Variants in CTBP2 observed in about 807,000 individuals in gnomAD.
The protein encoded by CTBP2 is C-terminal binding protein 2, also known as C-terminal-binding protein 2.
Under a neutral mutation model 80.3 loss-of-function variants are expected in CTBP2, and 30 were observed. That is an observed-to-expected ratio of 0.37 (90% CI 0.28 to 0.51). The LOEUF (loss-of-function observed/expected upper bound fraction) is 0.51, where lower values mean the gene tolerates loss of function less well. CTBP2 is among the 20% of genes least tolerant of loss of function. The probability of loss-of-function intolerance (pLI) is 0.93; values close to 1 mark genes in which losing one functional copy is unlikely to be tolerated. For synonymous variants in CTBP2, 594 were observed against 587.4 expected, an observed-to-expected ratio of 1.01 and a Z score of -0.16; for missense variants, 1,212 against 1,375.3, an observed-to-expected ratio of 0.88 and a Z score of 1.88.
At chr10:125,119,602 C>G (rs1015219082) in intron 1 of CTBP2, among the ~76,000 whole-genome samples, 10 of 152,204 alleles carry the variant, frequency 6.6e-5, no homozygotes, top group Non-Finnish European at 1.3e-4. Context: ...GTATTCAAAT[C>G]TCACATATTT....
intron 2 of CTBP2, among the ~76,000 whole-genome samples, chr10:125,094,527 C>T (rs570217668): frequency 6.6e-6 from 1 of 152,344 alleles, no homozygotes; most frequent in South Asian, 2.1e-4. Flanking sequence ...GTGCCAAGCA[C>T]GGTATGGCTC....
chr10:125,161,643 G>C (rs1289305124), upstream of CTBP2, among the ~76,000 whole-genome samples: 1 of 152,152 alleles, frequency 6.6e-6, no homozygotes, highest in Non-Finnish European at 1.5e-5. Flanking sequence ...TGGGTGCGCA[G>C]GGAAGGGCCC....
chr10:125,054,452 G>A (rs186456000), intron 2 of CTBP2, among the ~76,000 whole-genome samples: 1,564 of 152,254 alleles, frequency 0.01, 11 homozygotes, highest in Non-Finnish European at 0.015. Context: ...TCCATGAGAA[G>A]CTGAACCCTC....
chr10:125,013,390 G>A (rs1956135821), intron 1 of CTBP2, among the ~76,000 whole-genome samples: 2 of 152,210 alleles, frequency 1.3e-5, no homozygotes, highest in African/African-American at 2.4e-5. Context: ...GGAAACGCCC[G>A]AAGTTGTAAA....
chr10:124,998,363 C>T lies in CTBP2; in HGVS notation c.1979-193G>A. 6.4e-6 allele frequency: 4 copies of T among 621,888 alleles called. No homozygotes were observed. In the South Asian group the frequency reaches 7.8e-5, roughly 12 times the overall value. 38.5% of individuals were successfully genotyped at this position (621,888 alleles called of 1,614,324 possible). On this transcript the variant is annotated intron_variant, in intron 3 of 8. Transcript: ENST00000309035. The stretch of plus-strand genomic sequence containing the variant: ...TCTGATGCATGGGAAGCTCTAGCCC[C>T]AACATCTACCCCTCCCTCCCAAGGA...
intron 2 of CTBP2, among the ~76,000 whole-genome samples, chr10:125,061,134 G>A (rs1441979027): frequency 6.6e-6 from 1 of 152,248 alleles, no homozygotes; most frequent in Non-Finnish European, 1.5e-5. Context: ...ATCCCAGCAA[G>A]CTGAGCATAC....
intron 1 of CTBP2, among the ~76,000 whole-genome samples, chr10:125,153,850 A>C (rs1715860): frequency 0.73 from 110,690 of 151,798 alleles, 41,438 homozygotes; most frequent in African/African-American, 0.87. Context: ...TTGTCCTGGG[A>C]CGGGACAGAT....
At chr10:124,991,934 A>G (rs1452642259) in intron 8 of CTBP2, among the ~76,000 whole-genome samples, 1 of 150,882 alleles carries the variant, frequency 6.6e-6, no homozygotes, top group East Asian at 1.9e-4. Context: ...GTGCATGGAA[A>G]ATACCACAAA....
At chr10:125,065,270 T>C (rs1305273059) in intron 2 of CTBP2, among the ~76,000 whole-genome samples, 1 of 152,214 alleles carries the variant, frequency 6.6e-6, no homozygotes, top group East Asian at 1.9e-4. Flanking sequence ...GCACTCTGCT[T>C]GAACTCAAAT....
intron 3 of CTBP2, chr10:124,998,625 C>T (rs1953993480): frequency 4.9e-6 from 1 of 202,050 alleles, no homozygotes; most frequent in Non-Finnish European, 1.0e-5. Flanking sequence ...TTAAGCTATG[C>T]TAACAGTTTG....
chr10:125,005,048 G>A (rs886739304), intron 1 of CTBP2, among the ~76,000 whole-genome samples: 2 of 152,288 alleles, frequency 1.3e-5, no homozygotes, highest in African/African-American at 4.8e-5. Flanking sequence ...CCACACGCTC[G>A]GAGACGAGGA....
At position 124,998,089 on chromosome 10, in the gene CTBP2, C is replaced by T. The variant is rs948654164; in HGVS notation, c.2060G>A (p.Arg687Gln). ...TGCCTGGTACAGCCACGTGTTCCTCCGGTACAGGTTGAGGATGTGGCAGAT... is the reference window on the plus strand; with the variant it reads ...TGCCTGGTACAGCCACGTGTTCCTCTGGTACAGGTTGAGGATGTGGCAGAT... The change falls in exon 4 of 9, where the codon CGG (arginine) becomes CAG (glutamine). Residue 687 changes from arginine (R) to glutamine (Q), a missense_variant. Arg to Gln is a conservative substitution (Grantham distance 43, BLOSUM62 1). This residue lies in a region of CTBP2 where 335 missense variants were observed against 504.7 expected (regional missense o/e 0.66). Transcript: ENST00000309035. 1 of 1,612,858 alleles carries T rather than the reference C, an allele frequency of 6.2e-7. No individual in the cohort carries two copies. The highest frequency in any genetic ancestry group is 8.5e-7 in the Non-Finnish European group (1 of 1,179,764).
At chr10:125,051,013 T>A (rs1962619465) in intron 2 of CTBP2, among the ~76,000 whole-genome samples, 1 of 152,228 alleles carries the variant, frequency 6.6e-6, no homozygotes, top group Non-Finnish European at 1.5e-5. Context: ...CATCGTGAGC[T>A]ACCATCAGGG....
At chr10:125,023,878 C>T (rs1478002370) in intron 1 of CTBP2, among the ~76,000 whole-genome samples, 6 of 152,216 alleles carry the variant, frequency 3.9e-5, no homozygotes, top group Non-Finnish European at 8.8e-5. Context: ...CACCGCCCAT[C>T]CCGAAGGGGA....
chr10:125,063,312 A>G (rs923933473), intron 2 of CTBP2, among the ~76,000 whole-genome samples: 10 of 152,188 alleles, frequency 6.6e-5, no homozygotes, highest in African/African-American at 2.4e-4. Flanking sequence ...CTTAAGAAAT[A>G]CGGAGAATTT....
At position 124,992,684 on chromosome 10, in the gene CTBP2, C is replaced by A; in HGVS notation, c.2777+11G>T. The A allele has an allele frequency of 6.3e-7, 1 of 1,591,088 alleles. No homozygotes were observed. The highest frequency in any genetic ancestry group is 1.1e-5 in the South Asian group (1 of 88,010). On this transcript the variant is annotated intron_variant, in intron 8 of 8. Coordinates refer to ENST00000309035, the MANE Select transcript of CTBP2 (RefSeq NM_022802.3). The stretch of plus-strand genomic sequence containing the variant: ...CTCACAAGCTGAGACAAAGTCAGTT[C>A]CTTTTCTCACCTGTATGTGGCACCA...
intron 2 of CTBP2, among the ~76,000 whole-genome samples, chr10:125,098,537 G>A (rs1333348355): frequency 6.6e-6 from 1 of 152,002 alleles, no homozygotes; most frequent in Non-Finnish European, 1.5e-5. Flanking sequence ...CGAGGATGGG[G>A]GTTTATGTCC....
chr10:125,054,504 T>C (rs556935930), intron 2 of CTBP2, among the ~76,000 whole-genome samples: 3 of 152,248 alleles, frequency 2.0e-5, no homozygotes, highest in African/African-American at 7.2e-5. Context: ...CCCACTGACA[T>C]CCTGAATGCA....
In CTBP2 at chr10:125,067,316, A is replaced by C. The variant is rs977318109; in HGVS notation, c.-101-28161T>G. Among the ~76,000 whole-genome samples, 38 of 152,216 alleles carry C rather than the reference A, an allele frequency of 2.5e-4. 1 individual carries two copies. The highest frequency in any genetic ancestry group is 8.9e-4 in the African/African-American group (37 of 41,460). On this transcript the variant is annotated intron_variant, in intron 2 of 10. Transcript: ENST00000337195. Reference sequence around the variant, plus strand: ...GGCCTAAGGAGAAAGACAGTGACATACAAGGTGAAAAACTGGACAGGATTC... The same window carrying C: ...GGCCTAAGGAGAAAGACAGTGACATCCAAGGTGAAAAACTGGACAGGATTC...
Sources: gnomAD v4.1 joint callset for allele counts (sites outside exome capture counted in the v4.1 genomes callset) on GRCh38, gnomAD v4.1.1 for gene constraint, gnomAD v4.1.1 regional missense constraint, MANE v1.5 for transcripts, NCBI Gene and HGNC (gene_info 2026-07-23, HGNC 2026-07-21) for gene names.